Variants in TUSC3 observed in about 807,000 individuals in gnomAD.
The protein encoded by TUSC3 is dolichyl-diphosphooligosaccharide--protein glycosyltransferase subunit TUSC3.
A neutral mutation model predicts 44.8 loss-of-function variants in TUSC3; 45 were observed. The observed-to-expected ratio is 1.00, with a 90% CI of 0.79 to 1.29. The LOEUF is 1.29. Among genes scored for constraint, TUSC3 ranks in the 50% most tolerant of loss-of-function variants. The pLI is 0.00. For missense variants in TUSC3, 519 were observed against 437.9 expected, an observed-to-expected ratio of 1.19 and a Z score of -1.65; for synonymous variants, 212 against 152.9, an observed-to-expected ratio of 1.39 and a Z score of -2.85.
chr8:15,434,716 T>C (rs908796234), intron 1 of TUSC3, among the ~76,000 whole-genome samples: 2 of 150,408 alleles, frequency 1.3e-5, no homozygotes, highest in Non-Finnish European at 3.0e-5. Flanking sequence ...CCCCGGTGTG[T>C]GATATTCCCC....
At chr8:15,427,103 A>T (rs373458890) in intron 1 of TUSC3, among the ~76,000 whole-genome samples, 1 of 148,834 alleles carries the variant, frequency 6.7e-6, no homozygotes, top group Non-Finnish European at 1.5e-5. Flanking sequence ...ATTGATTTGT[A>T]AGAGTTTCTT....
the TUSC3 span, among the ~76,000 whole-genome samples, chr8:15,846,839 G>A: frequency 6.7e-6 from 1 of 148,280 alleles, no homozygotes; most frequent in African/African-American, 2.5e-5. Flanking sequence ...TGCATGTTCT[G>A]CACATATATC....
intron 2 of TUSC3, 69 bp from the exon 3 acceptor site, chr8:15,650,628 G>T (rs575255810): frequency 7.2e-6 from 10 of 1,385,634 alleles, no homozygotes; most frequent in Middle Eastern, 1.8e-4. Flanking sequence ...AGGGTTGTCT[G>T]TTTTAATAAC....
At chr8:15,456,439 A>G (rs1800257414) in intron 1 of TUSC3, among the ~76,000 whole-genome samples, 1 of 152,234 alleles carries the variant, frequency 6.6e-6, no homozygotes, top group South Asian at 2.1e-4. Flanking sequence ...GGAAACGTAA[A>G]GAGATAATAA....
intron 1 of TUSC3, among the ~76,000 whole-genome samples, chr8:15,545,246 T>A (rs1483476855): frequency 6.6e-6 from 1 of 151,572 alleles, no homozygotes; most frequent in Admixed American, 6.6e-5. Flanking sequence ...AATAGATAGT[T>A]TATTACCCAG....
At chr8:15,506,086 G>C (rs62502468) in intron 2 of TUSC3, among the ~76,000 whole-genome samples, 8 of 152,268 alleles carry the variant, frequency 5.3e-5, no homozygotes, top group African/African-American at 1.9e-4. Context: ...CTGCCTTGAC[G>C]GGAGACTATT....
At chr8:15,436,727 C>A (rs549934193) in intron 1 of TUSC3, among the ~76,000 whole-genome samples, 1 of 152,182 alleles carries the variant, frequency 6.6e-6, no homozygotes, top group African/African-American at 2.4e-5. Flanking sequence ...AAGAAAATGA[C>A]CAATTTCTAT....
chr8:15,684,964 A>T (rs1342765895), intron 6 of TUSC3, among the ~76,000 whole-genome samples: 1 of 152,138 alleles, frequency 6.6e-6, no homozygotes, highest in African/African-American at 2.4e-5. Context: ...GGTTACATGG[A>T]TCAGATGCAC....
At chr8:15,601,538 G>C (rs117975574) in intron 1 of TUSC3, among the ~76,000 whole-genome samples, 2,501 of 151,784 alleles carry the variant, frequency 0.016, 43 homozygotes, top group Middle Eastern at 0.027. Context: ...AAGTTAATAA[G>C]CTGGAGGCCA....
chr8:15,576,436 A>G (rs1803118649), intron 1 of TUSC3, among the ~76,000 whole-genome samples: 2 of 145,380 alleles, frequency 1.4e-5, no homozygotes, highest in Non-Finnish European at 3.0e-5. Flanking sequence ...CATTAGGTAT[A>G]TCTCCCAATG....
At chr8:15,640,194 A>G (rs2129171439) in intron 2 of TUSC3, among the ~76,000 whole-genome samples, 1 of 152,332 alleles carries the variant, frequency 6.6e-6, no homozygotes, top group East Asian at 1.9e-4. Context: ...GGGCATCTAC[A>G]TGACCAACCT....
At chr8:15,748,499 T>G (rs1285189300) in intron 9 of TUSC3, 34 bp downstream of exon 9, 3 of 1,462,450 alleles carry the variant, frequency 2.1e-6, no homozygotes, top group Admixed American at 3.3e-5. Context: ...ATGTTTTTAT[T>G]TTTAACTAAT....
intron 2 of TUSC3, among the ~76,000 whole-genome samples, chr8:15,494,321 T>C (rs544306723): frequency 6.7e-5 from 1 of 14,896 alleles, no homozygotes; most frequent in African/African-American, 7.9e-5. Context: ...TCTCATCTTC[T>C]TTTTTTTTTT....
intron 6 of TUSC3, among the ~76,000 whole-genome samples, chr8:15,719,010 A>G (rs1348866389): frequency 6.6e-6 from 1 of 152,018 alleles, no homozygotes; most frequent in African/African-American, 2.4e-5. Context: ...GGATAAGATC[A>G]CTTCTTACCA....
intron 1 of TUSC3, among the ~76,000 whole-genome samples, chr8:15,457,314 A>G (rs1478592541): frequency 6.6e-6 from 1 of 151,928 alleles, no homozygotes; most frequent in African/African-American, 2.4e-5. Flanking sequence ...CTTAAAGTAT[A>G]ATAAAAATAT....
intron 6 of TUSC3, among the ~76,000 whole-genome samples, chr8:15,709,199 T>C (rs1171997489): frequency 6.6e-6 from 1 of 151,908 alleles, no homozygotes; most frequent in Non-Finnish European, 1.5e-5. Context: ...ATCAGGTAGG[T>C]AAATTTGTAT....
In TUSC3 at chr8:15,643,139, G is replaced by A. The variant is rs140849821; in HGVS notation, c.309-7558G>A. The stretch of plus-strand genomic sequence containing the variant: ...TTGCTTGGCACTCCTTCTTCCTGCC[G>A]CCTTGTGAAGAAGGTGCCTTGCTTC... On this transcript the variant is annotated intron_variant, in intron 2 of 10. Coordinates refer to ENST00000503731, the MANE Select transcript of TUSC3 (RefSeq NM_006765.4). Among the ~76,000 whole-genome samples, 12 of 152,156 alleles carry A rather than the reference G, an allele frequency of 7.9e-5. No homozygotes were observed. In the East Asian group the frequency reaches 1.7e-3, roughly 22 times the overall value.
intron 2 of TUSC3, among the ~76,000 whole-genome samples, chr8:15,493,581 A>G (rs1421612553): frequency 6.6e-6 from 1 of 152,178 alleles, no homozygotes; most frequent in African/African-American, 2.4e-5. Context: ...AACTTAATAA[A>G]AAGAATTAGC....
the TUSC3 span, among the ~76,000 whole-genome samples, chr8:15,793,473 C>G: frequency 6.0e-5 from 9 of 150,856 alleles, no homozygotes; most frequent in African/African-American, 2.2e-4. Context: ...CTACACAGCT[C>G]ACCACTGACC....
Sources: gnomAD v4.1 joint callset for allele counts (sites outside exome capture counted in the v4.1 genomes callset) on GRCh38, gnomAD v4.1.1 for gene constraint, MANE v1.5 for transcripts, NCBI Gene and HGNC (gene_info 2026-07-23, HGNC 2026-07-21) for gene names.